Variants in PTPRM observed in about 807,000 individuals in gnomAD.
PTPRM encodes the protein receptor-type tyrosine-protein phosphatase mu.
Under a neutral mutation model 186.7 loss-of-function variants are expected in PTPRM, and 47 were observed. That is an observed-to-expected ratio of 0.25 (90% CI 0.20 to 0.32). The LOEUF (loss-of-function observed/expected upper bound fraction) is 0.32, where lower values mean the gene tolerates loss of function less well. Among genes scored for constraint, PTPRM ranks in the 10% least tolerant of loss-of-function variants. The pLI is 1.00. For missense variants in PTPRM, 1,494 were observed against 1,865.0 expected (o/e 0.80, Z 3.66); for synonymous variants, 668 against 674.9 (o/e 0.99, Z 0.16).
chr18:7,717,524 A>C (rs972892080), intron 1 of PTPRM, among the ~76,000 whole-genome samples: 1 of 152,180 alleles, frequency 6.6e-6, no homozygotes, highest in African/African-American at 2.4e-5. Context: ...TTTCTTGGAC[A>C]CTGGACAAAA....
intron 1 of PTPRM, among the ~76,000 whole-genome samples, chr18:7,761,942 C>T (rs1034218679): frequency 2.6e-5 from 4 of 152,168 alleles, no homozygotes; most frequent in Admixed American, 6.5e-5. Flanking sequence ...TTTTCTTCAG[C>T]GCTCCTTTCT....
intron 1 of PTPRM, among the ~76,000 whole-genome samples, chr18:7,669,808 C>T (rs1012256579): frequency 1.3e-5 from 2 of 152,098 alleles, no homozygotes; most frequent in African/African-American, 4.8e-5. Flanking sequence ...CTGCAACCTC[C>T]ACCTCCTGGG....
chr18:8,301,722 G>A (rs377752795), intron 20 of PTPRM, among the ~76,000 whole-genome samples: 15 of 152,364 alleles, frequency 9.8e-5, no homozygotes, highest in East Asian at 7.7e-4. Context: ...TGCTGGTGTC[G>A]TGCTGCACCT....
At chr18:7,757,620 TGG>T (rs1248184993) in intron 1 of PTPRM, among the ~76,000 whole-genome samples, 1 of 152,084 alleles carries the variant, frequency 6.6e-6, no homozygotes, top group Non-Finnish European at 1.5e-5. Flanking sequence ...ACACACCATG[TGG>T]GGTGATAAGG....
chr18:7,824,702 C>G (rs979641594), intron 2 of PTPRM, among the ~76,000 whole-genome samples: 4 of 152,108 alleles, frequency 2.6e-5, no homozygotes, highest in African/African-American at 9.7e-5. Context: ...AATAATGGAA[C>G]AAAACACCAT....
chr18:7,666,387 C>G (rs1163059635), intron 1 of PTPRM, among the ~76,000 whole-genome samples: 1 of 152,188 alleles, frequency 6.6e-6, no homozygotes. Flanking sequence ...CCATGTTACT[C>G]CCGCCTTTCA....
chr18:7,780,108 C>G (rs1040758978), intron 2 of PTPRM, among the ~76,000 whole-genome samples: 1 of 152,166 alleles, frequency 6.6e-6, no homozygotes, highest in Non-Finnish European at 1.5e-5. Context: ...GATAAAAAGT[C>G]TAAATCTTAG....
At chr18:7,844,331 G>A (rs943990433) in intron 2 of PTPRM, among the ~76,000 whole-genome samples, 5 of 152,130 alleles carry the variant, frequency 3.3e-5, no homozygotes, top group African/African-American at 1.2e-4. Flanking sequence ...TCCTCATTGG[G>A]ATGTCAGATC....
At chr18:8,253,159 G>A in intron 18 of PTPRM, 68 bp from the exon 19 acceptor site, 2 of 1,244,494 alleles carry the variant, frequency 1.6e-6, no homozygotes, top group South Asian at 2.5e-5. Context: ...CAGCTTCTTA[G>A]CATTCTCAGT....
rs183391044 is a variant in PTPRM at position 8,115,164 on chromosome 18, G to A, written c.2167+337G>A. Among the ~76,000 whole-genome samples, 703 of 152,216 alleles carry A rather than the reference G, an allele frequency of 4.6e-3. 3 individuals carry two copies. The highest frequency in any genetic ancestry group is 8.1e-3 in the South Asian group (39 of 4,814). On this transcript the variant is annotated intron_variant, in intron 13 of 32. Coordinates refer to ENST00000580170, the MANE Select transcript of PTPRM (RefSeq NM_001105244.2). Reference sequence around the variant, plus strand: ...TTAATCCATAGTGTCATGCCTGGTAGTACCACATCTAGTGAATCTTCATAT... The same window carrying A: ...TTAATCCATAGTGTCATGCCTGGTAATACCACATCTAGTGAATCTTCATAT...
chr18:7,641,602 A>T (rs535367791), intron 1 of PTPRM, among the ~76,000 whole-genome samples: 36 of 152,244 alleles, frequency 2.4e-4, no homozygotes, highest in Admixed American at 1.8e-3. Context: ...CCACAGCTGT[A>T]CTTCTGTCTC....
At chr18:7,876,412 T>A (rs1053195384) in intron 2 of PTPRM, among the ~76,000 whole-genome samples, 42 of 152,276 alleles carry the variant, frequency 2.8e-4, no homozygotes, top group African/African-American at 9.9e-4. Context: ...ATGCTCAAAA[T>A]ACACATGAGT....
chr18:7,578,883 C>G (rs1370803608), intron 1 of PTPRM, among the ~76,000 whole-genome samples: 1 of 152,008 alleles, frequency 6.6e-6, no homozygotes, highest in Non-Finnish European at 1.5e-5. Flanking sequence ...TAAGACGGGT[C>G]CATCAGTCTG....
rs8099831 is a variant in PTPRM, at chr18:7,920,053, C to T, written c.548-6515C>T. On this transcript the variant is annotated intron_variant, in intron 4 of 32. Coordinates refer to ENST00000580170, the MANE Select transcript of PTPRM (RefSeq NM_001105244.2). ...TAGATGGAGTATCTTTTTCTACCCA[C>T]TTCACTTTGTCTTACCTATGTGAGT... Among the ~76,000 whole-genome samples the T allele has an allele frequency of 4.4e-3, 671 of 152,170 alleles. 5 individuals are homozygous for T. The highest frequency in any genetic ancestry group is 0.015 in the African/African-American group (614 of 41,552).
intron 7 of PTPRM, among the ~76,000 whole-genome samples, chr18:7,963,811 A>G (rs904280301): frequency 1.3e-5 from 2 of 152,126 alleles, no homozygotes; most frequent in African/African-American, 4.8e-5. Context: ...TCGCTGTCAG[A>G]GGGGGTTTGC....
chr18:8,367,503 CG>C (rs2095638440), intron 23 of PTPRM, among the ~76,000 whole-genome samples: 1 of 152,256 alleles, frequency 6.6e-6, no homozygotes, highest in South Asian at 2.1e-4. Context: ...GCTGGGAGAG[CG>C]GCGGCACCTG....
At chr18:8,104,236 CTG>C (rs1463205947) in intron 11 of PTPRM, among the ~76,000 whole-genome samples, 1 of 152,174 alleles carries the variant, frequency 6.6e-6, no homozygotes, top group Non-Finnish European at 1.5e-5. Context: ...AGTTCAGTAT[CTG>C]TGAAGCCCAA....
intron 5 of PTPRM, among the ~76,000 whole-genome samples, chr18:7,944,037 C>T (rs184619097): frequency 6.6e-6 from 1 of 152,270 alleles, no homozygotes; most frequent in Admixed American, 6.5e-5. Flanking sequence ...TTTACTTTCC[C>T]TGTTCGTCTC....
At chr18:8,087,393 A>G (rs1025968311) in intron 10 of PTPRM, among the ~76,000 whole-genome samples, 1 of 152,096 alleles carries the variant, frequency 6.6e-6, no homozygotes, top group Admixed American at 6.6e-5. Flanking sequence ...GGTAACTTAT[A>G]AAGAAAAGAG....
Sources: allele counts gnomAD v4.1 joint callset (sites outside exome capture counted in the v4.1 genomes callset), GRCh38; gene constraint gnomAD v4.1.1; transcripts MANE v1.5; gene names NCBI Gene and HGNC (gene_info 2026-07-23, HGNC 2026-07-21).